PDCD10: variants seen among roughly 807,000 people sequenced by gnomAD.
PDCD10 encodes the protein programmed cell death protein 10.
Under a neutral mutation model 29.2 loss-of-function variants are expected in PDCD10, and 4 were observed. The observed-to-expected ratio is 0.14, with a 90% confidence interval of 0.07 to 0.31. The LOEUF (loss-of-function observed/expected upper bound fraction) is 0.31. PDCD10 is among the 10% of genes least tolerant of loss of function. The probability of loss-of-function intolerance (pLI) is 1.00; values close to 1 mark genes in which losing one functional copy is unlikely to be tolerated. For missense variants in PDCD10, 183 were observed against 257.9 expected, an observed-to-expected ratio of 0.71 and a Z score of 1.99; for synonymous variants, 70 against 82.2, an observed-to-expected ratio of 0.85 and a Z score of 0.80.
At chr3:167,717,521 G>T (rs1723142167) in intron 3 of PDCD10, among the ~76,000 whole-genome samples, 1 of 150,116 alleles carries the variant, frequency 6.7e-6, no homozygotes, top group South Asian at 2.1e-4. Flanking sequence ...TTCCCTATTA[G>T]ATATATAGAG....
intron 3 of PDCD10, among the ~76,000 whole-genome samples, chr3:167,708,889 A>AACACTTTACAAT (rs1481719550): frequency 6.6e-6 from 1 of 152,190 alleles, no homozygotes; most frequent in Non-Finnish European, 1.5e-5. Context: ...TACTATTTTA[A>AACACTTTACAAT]ACACTTTACA....
chr3:167,687,427 A>G (rs1226234743), intron 7 of PDCD10, 111 bp from the exon 8 acceptor site: 1 of 748,974 alleles, frequency 1.3e-6, no homozygotes, highest in African/African-American at 1.8e-5. Flanking sequence ...CTTTATATGA[A>G]TATTACTAAT....
intron 2 of PDCD10, among the ~76,000 whole-genome samples, chr3:167,725,128 G>A (rs1723960459): frequency 6.6e-6 from 1 of 151,950 alleles, no homozygotes; most frequent in Non-Finnish European, 1.5e-5. Flanking sequence ...GCGGTGGTGG[G>A]CTTCTGTAGT....
At chr3:167,692,291 G>T (rs1187914734) in intron 6 of PDCD10, among the ~76,000 whole-genome samples, 4 of 152,206 alleles carry the variant, frequency 2.6e-5, no homozygotes, top group African/African-American at 9.7e-5. Context: ...TAGACCTGGG[G>T]ATGAGGCCCA....
At chr3:167,733,135 G>A (rs1352438118) in intron 2 of PDCD10, among the ~76,000 whole-genome samples, 1 of 152,116 alleles carries the variant, frequency 6.6e-6, no homozygotes, top group Non-Finnish European at 1.5e-5. Context: ...TGATAATATA[G>A]TAACTGCAGA....
At chr3:167,687,160 A>G in intron 8 of PDCD10, 74 bp downstream of exon 8, 2 of 775,582 alleles carry the variant, frequency 2.6e-6, no homozygotes, top group Non-Finnish European at 4.4e-6. Context: ...GGCTTAATTT[A>G]TGTGGTTTTC....
chr3:167,690,551 T>C (rs1007288448), intron 6 of PDCD10, among the ~76,000 whole-genome samples: 1 of 152,240 alleles, frequency 6.6e-6, no homozygotes, highest in Non-Finnish European at 1.5e-5. Context: ...TTTCCATTAG[T>C]TGAGATGTAT....
At chr3:167,700,855 G>C (rs780264813) in intron 4 of PDCD10, among the ~76,000 whole-genome samples, 51 of 152,130 alleles carry the variant, frequency 3.4e-4, no homozygotes, top group Non-Finnish European at 6.5e-4. Context: ...AAATCTTTGA[G>C]GAAAAAAATA....
intron 6 of PDCD10, among the ~76,000 whole-genome samples, chr3:167,693,659 A>G (rs1209607358): frequency 3.9e-5 from 6 of 152,072 alleles, no homozygotes; most frequent in African/African-American, 1.4e-4. Context: ...GAAGTAATTT[A>G]AGGCCAGGTG....
At chr3:167,691,230 T>C (rs955307008) in intron 6 of PDCD10, among the ~76,000 whole-genome samples, 1 of 152,212 alleles carries the variant, frequency 6.6e-6, no homozygotes. Context: ...ATAATTATAC[T>C]TTAGCCTATC....
intron 3 of PDCD10, among the ~76,000 whole-genome samples, chr3:167,706,062 C>T (rs777224447): frequency 2.0e-5 from 3 of 152,110 alleles, no homozygotes; most frequent in Non-Finnish European, 2.9e-5. Context: ...CAAGTATCAG[C>T]GTTATTAGTT....
At chr3:167,705,682 T>G (rs892596322) in intron 3 of PDCD10, among the ~76,000 whole-genome samples, 1 of 152,204 alleles carries the variant, frequency 6.6e-6, no homozygotes, top group Non-Finnish European at 1.5e-5. Flanking sequence ...CCATTTAGCT[T>G]AATATTTAAC....
intron 8 of PDCD10, among the ~76,000 whole-genome samples, chr3:167,686,304 A>T (rs1433813977): frequency 1.9e-4 from 29 of 152,242 alleles, no homozygotes; most frequent in Admixed American, 1.8e-3. Flanking sequence ...TATATAAATT[A>T]AAAAATAATG....
rs779058531 is a variant in PDCD10 at position 167,695,727 on chromosome 3, T to C, written c.269-5A>G. ...CTGGTCGTTCAATCATATACTCTGA[T>C]AAAATAAATACATAATAAAAAACAT... On this transcript the variant is annotated splice_polypyrimidine_tract_variant and splice_region_variant and intron_variant, in intron 5 of 8. Transcript: ENST00000392750. 14 of 1,612,904 alleles carry C rather than the reference T, an allele frequency of 8.7e-6. No homozygotes were observed. The Admixed American group carries it at 1.0e-4, about 12-fold the overall frequency.
intron 4 of PDCD10, chr3:167,698,016 T>A: frequency 2.2e-6 from 1 of 456,444 alleles, no homozygotes; most frequent in Non-Finnish European, 4.4e-6. Flanking sequence ...CAATTTACGA[T>A]CTTAATCAGA....
At chr3:167,732,919 T>C (rs927668148) in intron 2 of PDCD10, among the ~76,000 whole-genome samples, 1 of 152,214 alleles carries the variant, frequency 6.6e-6, no homozygotes, top group Non-Finnish European at 1.5e-5. Context: ...CCACATAATT[T>C]TCCATTTGTT....
chr3:167,728,364 C>T (rs1027124360), intron 2 of PDCD10, among the ~76,000 whole-genome samples: 1 of 152,082 alleles, frequency 6.6e-6, no homozygotes, highest in African/African-American at 2.4e-5. Flanking sequence ...TCCCAACTGG[C>T]TTCTGTTGTA....
In PDCD10 at chr3:167,720,252, T is replaced by TG. The variant is rs1445067680; in HGVS notation, c.-96dup. 1.2e-6 allele frequency: 1 copy of TG among 831,544 alleles called. No individual in the cohort carries two copies. Among genetic ancestry groups the TG allele is most frequent in the Admixed American group, 1.9e-5 (1 of 53,392 alleles). The allele number at this position is 831,544 out of a possible 1,614,324, so 51.5% of individuals were successfully genotyped here. A position where few individuals can be genotyped will look rare whatever the true frequency, so the allele number is the denominator to read the frequency against. On this transcript the variant is annotated 5_prime_UTR_variant, in exon 3 of 9. Transcript: ENST00000392750. ...TTCTCTTTTTTGGTGATAAAAGAATTGGACACAAAAAACACACTGATCTGG... is the reference window on the plus strand; with the variant it reads ...TTCTCTTTTTTGGTGATAAAAGAATTGGGACACAAAAAACACACTGATCTGG...
intron 3 of PDCD10, among the ~76,000 whole-genome samples, chr3:167,711,728 AC>A (rs926775554): frequency 6.6e-6 from 1 of 152,100 alleles, no homozygotes; most frequent in African/African-American, 2.4e-5. Context: ...TTAATAATCA[AC>A]CCCCCAAAGG....
Sources: allele counts gnomAD v4.1 joint callset (sites outside exome capture counted in the v4.1 genomes callset), GRCh38; gene constraint gnomAD v4.1.1; transcripts MANE v1.5; gene names NCBI Gene and HGNC (gene_info 2026-07-23, HGNC 2026-07-21).